HTATIP2: variants seen among roughly 807,000 people sequenced by gnomAD.
HTATIP2 encodes the protein protein HTATIP2.
A neutral mutation model predicts 24.7 loss-of-function variants in HTATIP2; 26 were observed. The observed-to-expected ratio is 1.05, with a 90% confidence interval of 0.77 to 1.46. The LOEUF (loss-of-function observed/expected upper bound fraction) is 1.46. Among genes scored for constraint, HTATIP2 ranks in the 40% most tolerant of loss-of-function variants. The pLI, the probability that HTATIP2 is intolerant of heterozygous loss-of-function variation, is 0.00. For missense variants in HTATIP2, 284 were observed against 289.6 expected, an observed-to-expected ratio of 0.98 and a Z score of 0.14; for synonymous variants, 99 against 113.2, an observed-to-expected ratio of 0.87 and a Z score of 0.79.
At position 20,382,207 on chromosome 11, in the gene HTATIP2, A is replaced by G; in HGVS notation, c.471A>G (p.Leu157=). The G allele has an allele frequency of 6.3e-7, 1 of 1,595,070 alleles. No individual in the cohort carries two copies. The highest frequency in any genetic ancestry group is 8.6e-7 in the Non-Finnish European group (1 of 1,162,732). The change falls in exon 4 of 5, where the codon TTA becomes TTG. Residue 157 remains leucine (L), a synonymous_variant. Transcript: ENST00000451739. ...AAGTAGAAGCCAAGGTTGAAGAATT[A>G]AAATTTGATCGTTACTCTGTATTTA... ...KGEVEAKVEE[L]KFDRYSVFRP... is the part of the protein sequence containing the mutation.
intron 2 of HTATIP2, among the ~76,000 whole-genome samples, chr11:20,368,662 G>C (rs751913597): frequency 1.4e-4 from 22 of 152,242 alleles, no homozygotes; most frequent in African/African-American, 5.3e-4. Context: ...ACCTGGTTTT[G>C]GTGGTGAGTC....
In HTATIP2 at chr11:20,383,491, T is replaced by C. The variant is rs770368315; in HGVS notation, c.*286T>C. On this transcript the variant is annotated 3_prime_UTR_variant, in exon 5 of 5. Transcript: ENST00000451739. ...AATAATCTGTAATTTTCTTTGTTTA[T>C]ACTTCCCCTGATGCCACTGGTTCCG... is the stretch of plus-strand genomic sequence containing the variant. 5.5e-5 allele frequency: 20 copies of C among 361,778 alleles called. 1 individual carries two copies. The highest frequency in any genetic ancestry group is 7.5e-5 in the Non-Finnish European group (15 of 199,606). 22.4% of individuals were successfully genotyped at this position (361,778 alleles called of 1,614,324 possible). A position where few individuals can be genotyped will look rare whatever the true frequency, so the allele number is the denominator to read the frequency against.
intron 4 of HTATIP2, among the ~76,000 whole-genome samples, chr11:20,382,484 G>A (rs560087257): frequency 6.6e-6 from 1 of 152,306 alleles, no homozygotes; most frequent in Admixed American, 6.5e-5. Context: ...TCCTCTTCAT[G>A]TGCCAAATAA....
chr11:20,366,507 T>C (rs1346700008), intron 1 of HTATIP2, among the ~76,000 whole-genome samples: 1 of 152,194 alleles, frequency 6.6e-6, no homozygotes, highest in Admixed American at 6.5e-5. Context: ...TCATGCTTTC[T>C]TTTTTAAGTT....
Position 20,367,996 on chromosome 11 carries a change from C to T in HTATIP2, c.303+715C>T, listed in dbSNP as rs796159460. Among the ~76,000 whole-genome samples the T allele has an allele frequency of 2.2e-4, 33 of 152,198 alleles. 1 individual carries two copies. The highest frequency in any genetic ancestry group is 7.7e-4 in the African/African-American group (32 of 41,504). On this transcript the variant is annotated intron_variant, in intron 2 of 4. Transcript: ENST00000451739. ...TTTATACTTTGACTATAGTTTATTC[C>T]TCTGGCAGAATTTACATGCTGGAGC...
chr11:20,377,359 A>C (rs979585317), intron 3 of HTATIP2, among the ~76,000 whole-genome samples: 1 of 152,216 alleles, frequency 6.6e-6, no homozygotes, highest in Non-Finnish European at 1.5e-5. Context: ...CTGGGATTAC[A>C]GGTGTGAGCC....
chr11:20,382,825 T>G (rs2133281617), intron 4 of HTATIP2, among the ~76,000 whole-genome samples, 155 bp from the exon 5 acceptor site: 1 of 85,644 alleles, frequency 1.2e-5, no homozygotes. Flanking sequence ...CTTCCCTTAA[T>G]GCCTTATCTT....
chr11:20,363,835 C>CGCG lies in HTATIP2; in HGVS notation c.-391_-389dup, dbSNP rs566196056. Reference sequence around the variant, plus strand: ...TGATGGCCGGGCCTGCGGCGCTGAGCGCGGCGGCGGCGGCTGCTCTGGCGG... The same window carrying CGCG: ...TGATGGCCGGGCCTGCGGCGCTGAGCGCGGCGGCGGCGGCGGCTGCTCTGGCGG... On this transcript the variant is annotated 5_prime_UTR_variant, in exon 1 of 5. Transcript: ENST00000451739. 9 of 1,245,134 alleles carry CGCG rather than the reference C, an allele frequency of 7.2e-6. No individual in the cohort carries two copies. In the East Asian group the frequency reaches 9.4e-5, roughly 13 times the overall value. 77.1% of individuals were successfully genotyped at this position (1,245,134 alleles called of 1,614,324 possible). A position where few individuals can be genotyped will look rare whatever the true frequency, so the allele number is the denominator to read the frequency against.
intron 2 of HTATIP2, among the ~76,000 whole-genome samples, chr11:20,370,398 G>A (rs1244195332): frequency 6.6e-6 from 1 of 152,172 alleles, no homozygotes; most frequent in African/African-American, 2.4e-5. Flanking sequence ...GGTTCGATGT[G>A]GTTTCACCTT....
chr11:20,364,450 G>A lies in HTATIP2; in HGVS notation c.195+18G>A, dbSNP rs747293118. Reference sequence around the variant, plus strand: ...AAAATGTGGTGGGTATTTCAGCTGGGACTCAAATGGACCCCCAGGATTCTG... The same window carrying A: ...AAAATGTGGTGGGTATTTCAGCTGGAACTCAAATGGACCCCCAGGATTCTG... On this transcript the variant is annotated intron_variant, in intron 1 of 4. Transcript: ENST00000451739. The A allele has an allele frequency of 1.5e-5, 24 of 1,572,832 alleles. 1 individual carries two copies. In the South Asian group the frequency reaches 2.6e-4, roughly 17 times the overall value.
rs551333940 is a variant in HTATIP2 at position 20,366,437 on chromosome 11, G to T, written c.196-737G>T. 4.6e-5 allele frequency among the ~76,000 whole-genome samples: 7 copies of T among 152,208 alleles called. No individual in the cohort carries two copies. The South Asian group carries it at 1.5e-3, about 32-fold the overall frequency. On this transcript the variant is annotated intron_variant, in intron 1 of 4. Transcript: ENST00000451739. ...GGCAGTGCCAGAAAAATTCTTTTCA[G>T]AGTTGACAGTAAGGATGGAAACCAA...
chr11:20,370,432 G>A (rs1345625134), intron 2 of HTATIP2, among the ~76,000 whole-genome samples: 3 of 152,290 alleles, frequency 2.0e-5, no homozygotes, highest in East Asian at 1.9e-4. Context: ...TCACCTGGTC[G>A]TAGTAGGCTC....
At chr11:20,376,451 A>G (rs997300488) in intron 2 of HTATIP2, 129 bp from the exon 3 acceptor site, 6 of 1,025,400 alleles carry the variant, frequency 5.9e-6, no homozygotes, top group Admixed American at 2.0e-5. Context: ...ACTTTCATGT[A>G]TTGCTTGGAC....
chr11:20,365,175 G>A (rs1044773347), intron 1 of HTATIP2, among the ~76,000 whole-genome samples: 1 of 152,050 alleles, frequency 6.6e-6, no homozygotes, highest in Non-Finnish European at 1.5e-5. Flanking sequence ...GTAGAGACGA[G>A]ACAAGGTTTC....
intron 2 of HTATIP2, among the ~76,000 whole-genome samples, chr11:20,368,196 AT>A (rs1256321231): frequency 1.7e-4 from 26 of 151,440 alleles, no homozygotes; most frequent in Non-Finnish European, 3.5e-4. Context: ...AAAAGAAAAA[AT>A]ATATATATAT....
At chr11:20,372,316 G>A (rs557344914) in intron 2 of HTATIP2, among the ~76,000 whole-genome samples, 4 of 152,186 alleles carry the variant, frequency 2.6e-5, no homozygotes, top group African/African-American at 9.7e-5. Context: ...TACCTTGTTA[G>A]GATGAGTTGT....
At chr11:20,382,914 T>G in intron 4 of HTATIP2, 66 bp from the exon 5 acceptor site, 1 of 1,174,854 alleles carries the variant, frequency 8.5e-7, no homozygotes, top group Non-Finnish European at 1.2e-6. Flanking sequence ...ATGCCCACTG[T>G]GGTCTCAGTG....
chr11:20,363,998 A>G lies in HTATIP2; in HGVS notation c.-240A>G. The G allele has an allele frequency of 7.9e-7, 1 of 1,270,142 alleles. No homozygotes were observed. Among genetic ancestry groups the G allele is most frequent in the Non-Finnish European group, 9.9e-7 (1 of 1,007,812 alleles). The allele number at this position is 1,270,142 out of a possible 1,614,324, so 78.7% of individuals were successfully genotyped here. On this transcript the variant is annotated 5_prime_UTR_variant, in exon 1 of 5. Transcript: ENST00000451739. Reference sequence around the variant, plus strand: ...GTGGGGTATGCCCAGTGATGCCAGCAGCTTGTGGCACCTGGGCGCACCCTC... The same window carrying G: ...GTGGGGTATGCCCAGTGATGCCAGCGGCTTGTGGCACCTGGGCGCACCCTC...
chr11:20,363,750 G>T lies in HTATIP2; in HGVS notation c.-488G>T. The T allele has an allele frequency of 1.6e-6, 2 of 1,235,602 alleles. No homozygotes were observed. The highest frequency in any genetic ancestry group is 2.0e-6 in the Non-Finnish European group (2 of 986,668). 76.5% of individuals were successfully genotyped at this position (1,235,602 alleles called of 1,614,324 possible). ...GAGGCCACCCGGAAGACCAAGCCGGGTAGGCGCTGTCTCCGTCGCCTCCAA... is the reference window on the plus strand; with the variant it reads ...GAGGCCACCCGGAAGACCAAGCCGGTTAGGCGCTGTCTCCGTCGCCTCCAA... On this transcript the variant is annotated 5_prime_UTR_variant, in exon 1 of 5. Coordinates refer to ENST00000451739, the MANE Select transcript of HTATIP2 (RefSeq NM_001098522.2).
Sources: allele counts gnomAD v4.1 joint callset (sites outside exome capture counted in the v4.1 genomes callset), GRCh38; gene constraint gnomAD v4.1.1; transcripts MANE v1.5; gene names NCBI Gene and HGNC (gene_info 2026-07-23, HGNC 2026-07-21).